Variants in TESK2 observed in about 807,000 individuals in gnomAD.
The protein encoded by TESK2 is testis associated actin remodelling kinase 2, also known as dual specificity testis-specific protein kinase 2.
TESK2 carries 39 observed loss-of-function variants against 57.1 expected under a neutral mutation model. That is an observed-to-expected ratio of 0.68 (90% confidence interval 0.53 to 0.89). The LOEUF (loss-of-function observed/expected upper bound fraction) is 0.89, where lower values mean the gene tolerates loss of function less well. Among genes scored for constraint, TESK2 ranks in the 40% least tolerant of loss-of-function variants. The pLI is 0.00. For missense variants in TESK2, 646 were observed against 732.1 expected, an observed-to-expected ratio of 0.88 and a Z score of 1.36; for synonymous variants, 249 against 267.9, an observed-to-expected ratio of 0.93 and a Z score of 0.69.
At position 45,347,661 on chromosome 1, in the gene TESK2, G is replaced by A. The variant is rs1334416022; in HGVS notation, c.656C>T (p.Ser219Phe). Reference protein sequence around the residue: ...MGSEKLAVVGSPFWMAPEVLR... With the variant: ...MGSEKLAVVGFPFWMAPEVLR... ...AACCTCAGGTGCCATCCAGAATGGG[G>A]AACCCACCACGGCCAGCTTCTCACT... The change falls in exon 7 of 11, where the codon TCC becomes TTC. Residue 219 changes from serine (S) to phenylalanine (F), a missense_variant. Physicochemically the swap from Ser to Phe is radical, Grantham distance 155. Coordinates refer to ENST00000372086, the MANE Select transcript of TESK2 (RefSeq NM_007170.3). 4 of 1,614,172 alleles carry A rather than the reference G, an allele frequency of 2.5e-6. No individual in the cohort carries two copies. The highest frequency in any genetic ancestry group is 2.2e-5 in the South Asian group (2 of 91,080).
chr1:45,421,091 T>A (rs910880905), intron 3 of TESK2, among the ~76,000 whole-genome samples: 3 of 152,004 alleles, frequency 2.0e-5, no homozygotes, highest in Non-Finnish European at 4.4e-5. Context: ...ACTCTGACTT[T>A]ACGAAAAATG....
In TESK2 at chr1:45,377,482, G is replaced by A. The variant is rs999249728; in HGVS notation, c.393+8430C>T. Reference sequence around the variant, plus strand: ...TTGCCAGGCTGGAGTGCAGTGGTGCGATCCCGGCTCACTGCCACCTCTGCC... The same window carrying A: ...TTGCCAGGCTGGAGTGCAGTGGTGCAATCCCGGCTCACTGCCACCTCTGCC... On this transcript the variant is annotated intron_variant, in intron 4 of 10. Transcript: ENST00000372086. Among the ~76,000 whole-genome samples the A allele has an allele frequency of 6.0e-5, 9 of 149,054 alleles. No homozygotes were observed. The East Asian group carries it at 6.1e-4, about 10-fold the overall frequency.
At position 45,347,150 on chromosome 1, in the gene TESK2, A is replaced by G. The variant is rs1647155377; in HGVS notation, c.709-88T>C. 4.3e-6 allele frequency: 5 copies of G among 1,157,228 alleles called. No individual in the cohort carries two copies. The East Asian group carries it at 1.2e-4, about 28-fold the overall frequency. The allele number at this position is 1,157,228 out of a possible 1,614,324, so 71.7% of individuals were successfully genotyped here. On this transcript the variant is annotated intron_variant, in intron 7 of 10. Coordinates refer to ENST00000372086, the MANE Select transcript of TESK2 (RefSeq NM_007170.3). ...GCCCCTGCCTCCCCTGCACCCCACC[A>G]TCTAACAGCCCAGGCCTGGGCCATA...
At chr1:45,464,145 C>T (rs186650314) in intron 1 of TESK2, among the ~76,000 whole-genome samples, 3 of 152,146 alleles carry the variant, frequency 2.0e-5, no homozygotes, top group African/African-American at 4.8e-5. Flanking sequence ...TTAACAATAT[C>T]GATTCTTTCA....
intron 2 of TESK2, among the ~76,000 whole-genome samples, chr1:45,447,342 A>AT (rs1292439586): frequency 5.5e-5 from 6 of 110,012 alleles, no homozygotes; most frequent in South Asian, 2.7e-4. Flanking sequence ...TTTTCTATTA[A>AT]ATTTTTTTTT....
intron 2 of TESK2, among the ~76,000 whole-genome samples, chr1:45,424,903 G>C (rs1164847912): frequency 6.6e-6 from 1 of 152,122 alleles, no homozygotes; most frequent in African/African-American, 2.4e-5. Flanking sequence ...ACTAGGTATA[G>C]AAGGAACATA....
intron 2 of TESK2, among the ~76,000 whole-genome samples, chr1:45,422,756 T>TG (rs1553152247): frequency 1.1e-4 from 1 of 8,822 alleles, no homozygotes; most frequent in East Asian, 4.4e-3. Context: ...TCATGTCTGG[T>TG]TTTTTGTTGT....
At chr1:45,478,897 T>A (rs1225826320) in intron 1 of TESK2, among the ~76,000 whole-genome samples, 1 of 152,046 alleles carries the variant, frequency 6.6e-6, no homozygotes, top group East Asian at 1.9e-4. Flanking sequence ...CTAATTTTTG[T>A]ATTTTTAGTA....
intron 4 of TESK2, among the ~76,000 whole-genome samples, chr1:45,384,365 A>ATCTGTCTG (rs1449819360): frequency 7.4e-6 from 1 of 134,906 alleles, no homozygotes; most frequent in Non-Finnish European, 1.6e-5. Context: ...GTACGTACGT[A>ATCTGTCTG]TCTATCTATC....
intron 2 of TESK2, among the ~76,000 whole-genome samples, chr1:45,431,593 T>C (rs988776197): frequency 6.6e-6 from 1 of 152,006 alleles, no homozygotes; most frequent in African/African-American, 2.4e-5. Flanking sequence ...ATAATGCAAA[T>C]ATTCAAAAAA....
intron 1 of TESK2, among the ~76,000 whole-genome samples, chr1:45,485,746 C>A (rs1019121672): frequency 1.3e-5 from 2 of 151,034 alleles, no homozygotes; most frequent in Non-Finnish European, 2.9e-5. Context: ...GTCTCGAACT[C>A]CTGACCTCAA....
At chr1:45,364,101 G>A (rs992736299) in intron 4 of TESK2, among the ~76,000 whole-genome samples, 1 of 152,138 alleles carries the variant, frequency 6.6e-6, no homozygotes, top group African/African-American at 2.4e-5. Context: ...GCAGACCACA[G>A]GGGCCACTGA....
chr1:45,396,189 GTT>G (rs1210320946), intron 3 of TESK2, among the ~76,000 whole-genome samples: 1 of 152,094 alleles, frequency 6.6e-6, no homozygotes, highest in East Asian at 1.9e-4. Context: ...TGGCCTCCAT[GTT>G]CAAGTGATTC....
chr1:45,389,002 G>A (rs1426636852), intron 3 of TESK2, among the ~76,000 whole-genome samples: 5 of 152,050 alleles, frequency 3.3e-5, no homozygotes, highest in African/African-American at 4.8e-5. Flanking sequence ...TTACAGGCGT[G>A]AGCCACCGCG....
At chr1:45,352,127 T>C (rs1277638118) in intron 5 of TESK2, among the ~76,000 whole-genome samples, 2 of 152,218 alleles carry the variant, frequency 1.3e-5, no homozygotes, top group Non-Finnish European at 2.9e-5. Flanking sequence ...TATCTCAAAT[T>C]GGACAGTCTG....
At chr1:45,354,451 C>A (rs1301486565) in intron 5 of TESK2, among the ~76,000 whole-genome samples, 1 of 151,902 alleles carries the variant, frequency 6.6e-6, no homozygotes, top group Non-Finnish European at 1.5e-5. Flanking sequence ...ATGGTGAAAC[C>A]CCATCTCTAC....
intron 2 of TESK2, among the ~76,000 whole-genome samples, chr1:45,454,480 T>C (rs1292995096): frequency 6.6e-6 from 1 of 152,206 alleles, no homozygotes; most frequent in East Asian, 1.9e-4. Flanking sequence ...AGTTTCGTCA[T>C]GTTGCCCAGG....
intron 4 of TESK2, among the ~76,000 whole-genome samples, chr1:45,373,703 C>G (rs902841193): frequency 6.6e-6 from 1 of 152,104 alleles, no homozygotes; most frequent in Non-Finnish European, 1.5e-5. Flanking sequence ...ATTATCTAAG[C>G]AAATAATGGT....
chr1:45,431,511 C>A (rs1257009322), intron 2 of TESK2, among the ~76,000 whole-genome samples: 1 of 152,120 alleles, frequency 6.6e-6, no homozygotes, highest in African/African-American at 2.4e-5. Flanking sequence ...TTACTTCCCC[C>A]TTATTATAGC....
Sources: allele counts gnomAD v4.1 joint callset (sites outside exome capture counted in the v4.1 genomes callset), GRCh38; gene constraint gnomAD v4.1.1; transcripts MANE v1.5; gene names NCBI Gene and HGNC (gene_info 2026-07-23, HGNC 2026-07-21).